The following TMEM234 variants were observed in gnomAD, a reference collection of about 807,000 sequenced individuals.
TMEM234 encodes transmembrane protein 234, also known as chromosome 1 open reading frame 91.
TMEM234 carries 21 observed loss-of-function variants against 17.8 expected under a neutral mutation model. That is an observed-to-expected ratio of 1.18 (90% CI 0.84 to 1.70). TMEM234 has a LOEUF of 1.70. TMEM234 is among the 40% of genes most tolerant of loss of function. TMEM234 has a pLI of 0.00. For missense variants in TMEM234, 137 were observed against 166.9 expected (o/e 0.82, Z 0.99); for synonymous variants, 83 against 73.5 (o/e 1.13, Z -0.66).
At chr1:32,218,485 T>C (rs1638611451) in intron 3 of TMEM234, among the ~76,000 whole-genome samples, 1 of 145,198 alleles carries the variant, frequency 6.9e-6, no homozygotes, top group African/African-American at 2.6e-5. Flanking sequence ...GTAGATCTCC[T>C]GTTAAGTGTT....
At chr1:32,216,152 G>A (rs922131564), downstream of TMEM234, 6 of 715,530 alleles carry the variant, frequency 8.4e-6, no homozygotes, top group African/African-American at 8.9e-5. Context: ...AGCTGACTAA[G>A]CCTGGGAGAG....
chr1:32,215,926 G>A, downstream of TMEM234: 1 of 1,522,594 alleles, frequency 6.6e-7, no homozygotes, highest in Non-Finnish European at 8.9e-7. Context: ...GGCAACTGGG[G>A]ACCACTACTC....
In TMEM234 at chr1:32,216,380, G is replaced by C. The variant is rs927429559; in HGVS notation, c.*473C>G. 3.2e-6 allele frequency: 5 copies of C among 1,550,630 alleles called. No homozygotes were observed. The highest frequency in any genetic ancestry group is 4.4e-6 in the Non-Finnish European group (5 of 1,146,390). On this transcript the variant is annotated 3_prime_UTR_variant, in exon 5 of 5. Coordinates refer to ENST00000309777, the MANE Select transcript of TMEM234 (RefSeq NM_019118.5). Reference sequence around the variant, plus strand: ...CATTTCCTGCATCTGCCACTCCGACGCACCTTCTTCCCTCGGTTCCACCCC... The same window carrying C: ...CATTTCCTGCATCTGCCACTCCGACCCACCTTCTTCCCTCGGTTCCACCCC...
intron 4 of TMEM234, 126 bp downstream of exon 4, chr1:32,217,133 G>C (rs1557540421): frequency 1.3e-6 from 2 of 1,583,500 alleles, no homozygotes; most frequent in African/African-American, 2.7e-5. Flanking sequence ...AGCTGCAGAG[G>C]AAAGGGCAGG....
At chr1:32,219,747 T>G (rs1315277138) in intron 3 of TMEM234, among the ~76,000 whole-genome samples, 1 of 152,152 alleles carries the variant, frequency 6.6e-6, no homozygotes, top group African/African-American at 2.4e-5. Flanking sequence ...CAACAGTAGA[T>G]GGAAGAAGGA....
chr1:32,221,205 G>A lies in TMEM234; in HGVS notation c.169-8C>T. The stretch of plus-strand genomic sequence containing the variant: ...GAGAAAGGGCATCAGGTACTGGAAA[G>A]AGGAGAAACCTGCAGTCAGTGTGAT... On this transcript the variant is annotated splice_region_variant and splice_polypyrimidine_tract_variant and intron_variant, in intron 2 of 4. Transcript: ENST00000309777. 6.2e-7 allele frequency: 1 copy of A among 1,612,038 alleles called. No homozygotes were observed. Among genetic ancestry groups the A allele is most frequent in the South Asian group, 1.1e-5 (1 of 90,660 alleles).
chr1:32,217,168 C>G, intron 4 of TMEM234, 91 bp downstream of exon 4: 2 of 1,610,854 alleles, frequency 1.2e-6, no homozygotes, highest in East Asian at 4.5e-5. Context: ...TGTCCTCACC[C>G]ACTCTGGGGA....
downstream of TMEM234, chr1:32,215,989 C>A: frequency 9.3e-7 from 1 of 1,071,200 alleles, no homozygotes; most frequent in Non-Finnish European, 1.4e-6. Context: ...GAGCCAGCAC[C>A]TCCGCTGGGC....
At chr1:32,214,616 C>T (rs1235502295), downstream of TMEM234, 2 of 813,514 alleles carry the variant, frequency 2.5e-6, no homozygotes, top group Non-Finnish European at 3.8e-6. Flanking sequence ...TGCTCTGTCC[C>T]TGGATAAGTC....
In TMEM234 at chr1:32,216,679, A is replaced by G. The variant is rs1638414823; in HGVS notation, c.*174T>C. 1 of 1,495,128 alleles carries G rather than the reference A, an allele frequency of 6.7e-7. No homozygotes were observed. Among genetic ancestry groups the G allele is most frequent in the Non-Finnish European group, 8.9e-7 (1 of 1,117,784 alleles). 92.6% of individuals were successfully genotyped at this position (1,495,128 alleles called of 1,614,324 possible). A position where few individuals can be genotyped will look rare whatever the true frequency, so the allele number is the denominator to read the frequency against. ...AGCTGAACAGCACTTGAAGGTTACA[A>G]AACTCTTTCACTCTTGTTCTCTTAT... On this transcript the variant is annotated 3_prime_UTR_variant, in exon 5 of 5. Transcript: ENST00000309777.
In TMEM234 at chr1:32,216,379, C is replaced by A; in HGVS notation, c.*474G>T. ...TCATTTCCTGCATCTGCCACTCCGA[C>A]GCACCTTCTTCCCTCGGTTCCACCC... On this transcript the variant is annotated 3_prime_UTR_variant, in exon 5 of 5. Transcript: ENST00000309777. 1 of 1,550,878 alleles carries A rather than the reference C, an allele frequency of 6.4e-7. No homozygotes were observed. The highest frequency in any genetic ancestry group is 8.7e-7 in the Non-Finnish European group (1 of 1,146,516).
At position 32,216,806 on chromosome 1, in the gene TMEM234, C is replaced by T. The variant is rs758066407; in HGVS notation, c.*47G>A. On this transcript the variant is annotated 3_prime_UTR_variant, in exon 5 of 5. Transcript: ENST00000309777. ...CCGCTCACTGCCAGCACTTCATGGCCCAGGGGCTTCCTGGAGGCAGCAGAG... is the reference window on the plus strand; with the variant it reads ...CCGCTCACTGCCAGCACTTCATGGCTCAGGGGCTTCCTGGAGGCAGCAGAG... 1 of 1,607,414 alleles carries T rather than the reference C, an allele frequency of 6.2e-7. No individual in the cohort carries two copies. The highest frequency in any genetic ancestry group is 8.5e-7 in the Non-Finnish European group (1 of 1,176,878).
At chr1:32,215,861 T>C (rs756712394), downstream of TMEM234, 36 of 1,552,844 alleles carry the variant, frequency 2.3e-5, 1 homozygote, top group South Asian at 4.2e-4. Flanking sequence ...GGGCTGGGGC[T>C]GCTATCTCAG....
chr1:32,214,849 G>T, downstream of TMEM234: 3 of 1,613,946 alleles, frequency 1.9e-6, no homozygotes, highest in Non-Finnish European at 2.5e-6. Flanking sequence ...GAACCAGACC[G>T]AATTAAGCCA....
chr1:32,222,107 C>T, intron 1 of TMEM234, 89 bp from the exon 2 acceptor site: 2 of 1,501,156 alleles, frequency 1.3e-6, no homozygotes, highest in African/African-American at 2.8e-5. Flanking sequence ...CAGCTAGCCG[C>T]CCCCACTTCC....
intron 2 of TMEM234, among the ~76,000 whole-genome samples, 165 bp from the exon 3 acceptor site, chr1:32,221,362 G>C (rs1443570306): frequency 6.6e-6 from 1 of 152,164 alleles, no homozygotes; most frequent in Non-Finnish European, 1.5e-5. Flanking sequence ...GAGGGAAACA[G>C]ACTGAAGTCT....
rs61781203 is a variant in TMEM234 at position 32,221,921 on chromosome 1, C to T, written c.114G>A (p.Pro38=). Reference sequence around the variant, plus strand: ...CCTGTAGCAACTGCTGGGCCCAGGTCGGCTCATGAACCCGCTGCAGGCCGG... The same window carrying T: ...CCTGTAGCAACTGCTGGGCCCAGGTTGGCTCATGAACCCGCTGCAGGCCGG... The part of the protein sequence containing the change: ...ASAGLQRVHE[P]TWAQQLLQEM... The change falls in exon 2 of 5, where the codon CCG becomes CCA. Residue 38 remains proline, a synonymous_variant. Transcript: ENST00000309777. 10 of 1,613,224 alleles carry T rather than the reference C, an allele frequency of 6.2e-6. No homozygotes were observed. Among genetic ancestry groups the T allele is most frequent in the African/African-American group, 2.7e-5 (2 of 74,916 alleles).
chr1:32,216,738 A>T lies in TMEM234; in HGVS notation c.*115T>A. 1.3e-6 allele frequency: 2 copies of T among 1,520,568 alleles called. No individual in the cohort carries two copies. The highest frequency in any genetic ancestry group is 4.9e-5 in the East Asian group (2 of 41,176). 94.2% of individuals were successfully genotyped at this position (1,520,568 alleles called of 1,614,324 possible). ...ATGAGGTAGCTGTTATCCCCATAAGAGAGGAGGAAGCTAAGGCCAGAGAGG... is the reference window on the plus strand; with the variant it reads ...ATGAGGTAGCTGTTATCCCCATAAGTGAGGAGGAAGCTAAGGCCAGAGAGG... On this transcript the variant is annotated 3_prime_UTR_variant, in exon 5 of 5. Coordinates refer to ENST00000309777, the MANE Select transcript of TMEM234 (RefSeq NM_019118.5).
chr1:32,215,439 G>A (rs747754033), downstream of TMEM234: 1 of 1,609,636 alleles, frequency 6.2e-7, no homozygotes, highest in Non-Finnish European at 8.5e-7. Context: ...CCCCTCTTTA[G>A]GAGTTATAGG....
Sources: allele counts gnomAD v4.1 joint callset (sites outside exome capture counted in the v4.1 genomes callset), GRCh38; gene constraint gnomAD v4.1.1; transcripts MANE v1.5; gene names NCBI Gene and HGNC (gene_info 2026-07-23, HGNC 2026-07-21).